ZNF521: variants seen among roughly 807,000 people sequenced by gnomAD.
The protein encoded by ZNF521 is LYST-interacting protein 3.
A neutral mutation model predicts 105.5 loss-of-function variants in ZNF521; 14 were observed. The observed-to-expected ratio is 0.13, with a 90% CI of 0.09 to 0.21. The LOEUF (loss-of-function observed/expected upper bound fraction) is 0.21. Ranked by LOEUF, ZNF521 falls within the 10% of genes least tolerant of loss-of-function variation. The pLI is 1.00. For synonymous variants in ZNF521, 635 were observed against 606.0 expected (o/e 1.05, Z -0.70); for missense variants, 1,233 against 1,629.7 (o/e 0.76, Z 4.19).
Position 25,273,220 on chromosome 18 carries a change from C to CAAAAAAAAAAAAAAAAAAAAAAAAA in ZNF521, c.221-45548_221-45524dup, listed in dbSNP as rs67381140. 3.4e-4 allele frequency among the ~76,000 whole-genome samples: 14 copies of CAAAAAAAAAAAAAAAAAAAAAAAAA among 40,888 alleles called. 1 individual carries two copies. Among genetic ancestry groups the CAAAAAAAAAAAAAAAAAAAAAAAAA allele is most frequent in the East Asian group, 1.8e-3 (1 of 560 alleles). The allele number at this position is 40,888 out of a possible 152,430, so 26.8% of individuals were successfully genotyped here. A position where few individuals can be genotyped will look rare whatever the true frequency, so the allele number is the denominator to read the frequency against. On this transcript the variant is annotated intron_variant, in intron 3 of 7. Transcript: ENST00000361524. ...CCCAAGAGGAGTGAAACCCTGTCTC[C>CAAAAAAAAAAAAAAAAAAAAAAAAA]AAAAAAAAAAAAAAAAAAAAAAAAA...
intron 5 of ZNF521, among the ~76,000 whole-genome samples, chr18:25,181,407 C>G (rs8082787): frequency 2.6e-5 from 4 of 151,964 alleles, no homozygotes; most frequent in African/African-American, 9.7e-5. Context: ...ATGTTACTTA[C>G]GGGAAATGAC....
intron 5 of ZNF521, among the ~76,000 whole-genome samples, chr18:25,188,207 G>A (rs957802677): frequency 2.0e-5 from 3 of 152,158 alleles, no homozygotes; most frequent in Non-Finnish European, 4.4e-5. Context: ...CATCCTGAGA[G>A]CTGTGAGATA....
chr18:25,206,343 G>A (rs1568009068), intron 4 of ZNF521, among the ~76,000 whole-genome samples: 5 of 152,006 alleles, frequency 3.3e-5, no homozygotes, highest in African/African-American at 9.7e-5. Context: ...TACATAATTA[G>A]TTACACATAA....
At chr18:25,333,404 G>T (rs1476271814) in intron 2 of ZNF521, among the ~76,000 whole-genome samples, 2 of 151,666 alleles carry the variant, frequency 1.3e-5, no homozygotes, top group Non-Finnish European at 2.9e-5. Context: ...AAGGGCCAGG[G>T]CTCATCTTAC....
chr18:25,263,363 T>G (rs1204448066), intron 3 of ZNF521, among the ~76,000 whole-genome samples: 1 of 152,090 alleles, frequency 6.6e-6, no homozygotes, highest in Non-Finnish European at 1.5e-5. Flanking sequence ...TTGCTTTTTT[T>G]TTTGTTTTTT....
At chr18:25,251,596 T>C (rs1339562488) in intron 3 of ZNF521, among the ~76,000 whole-genome samples, 1 of 152,184 alleles carries the variant, frequency 6.6e-6, no homozygotes, top group East Asian at 1.9e-4. Flanking sequence ...ATCATCCATA[T>C]ACAGAAATCA....
chr18:25,200,382 C>T (rs540756687), intron 4 of ZNF521, among the ~76,000 whole-genome samples: 52 of 150,010 alleles, frequency 3.5e-4, no homozygotes, highest in Non-Finnish European at 6.9e-4. Flanking sequence ...CCTTTGTCCT[C>T]AGTGTTCTGC....
intron 3 of ZNF521, among the ~76,000 whole-genome samples, chr18:25,321,596 C>T (rs1195067305): frequency 1.3e-5 from 2 of 152,130 alleles, no homozygotes; most frequent in Non-Finnish European, 2.9e-5. Context: ...AAAAATGTGG[C>T]TAACTCAGGC....
intron 3 of ZNF521, among the ~76,000 whole-genome samples, chr18:25,236,990 C>A (rs1906942996): frequency 6.6e-6 from 1 of 152,168 alleles, no homozygotes. Context: ...TGAGGACTTT[C>A]CAGTTACCCT....
At chr18:25,223,392 G>T (rs1369319027) in intron 4 of ZNF521, among the ~76,000 whole-genome samples, 2 of 152,170 alleles carry the variant, frequency 1.3e-5, no homozygotes, top group Non-Finnish European at 2.9e-5. Flanking sequence ...GGAGCCACAG[G>T]GGGGCCTCCG....
chr18:25,062,580 T>C lies in ZNF521; in HGVS notation c.*132A>G, dbSNP rs1337805613. Reference sequence around the variant, plus strand: ...AACACATGAACATCCAACAGTTTGATAATACAAGTTTTATGGTACAATACA... The same window carrying C: ...AACACATGAACATCCAACAGTTTGACAATACAAGTTTTATGGTACAATACA... On this transcript the variant is annotated 3_prime_UTR_variant, in exon 8 of 8. Transcript: ENST00000361524. 2 of 1,230,160 alleles carry C rather than the reference T, an allele frequency of 1.6e-6. No individual in the cohort carries two copies. Among genetic ancestry groups the C allele is most frequent in the Non-Finnish European group, 2.3e-6 (2 of 868,228 alleles). 76.2% of individuals were successfully genotyped at this position (1,230,160 alleles called of 1,614,324 possible).
chr18:25,236,694 C>T (rs188348572), intron 3 of ZNF521, among the ~76,000 whole-genome samples: 3 of 152,242 alleles, frequency 2.0e-5, no homozygotes, highest in Admixed American at 2.0e-4. Context: ...CACATTAACA[C>T]TTACATGGTA....
intron 7 of ZNF521, among the ~76,000 whole-genome samples, chr18:25,087,575 A>T (rs2033650701): frequency 6.6e-6 from 1 of 152,254 alleles, no homozygotes; most frequent in Non-Finnish European, 1.5e-5. Context: ...CAGTTTACAT[A>T]CTAATTAACA....
chr18:25,111,898 C>G (rs145453674), intron 5 of ZNF521, among the ~76,000 whole-genome samples: 2 of 152,182 alleles, frequency 1.3e-5, no homozygotes, highest in African/African-American at 4.8e-5. Flanking sequence ...TGGCCCTCCT[C>G]GGCGTGGCGG....
rs1283762730 is a variant in ZNF521, at chr18:25,082,644, T to C, written c.3906+6821A>G. ...TGAGCTCAGGGGTTTGAGACCAGCC[T>C]GGGCAACATGGTGAAACCCCATCTC... is the stretch of plus-strand genomic sequence containing the variant. On this transcript the variant is annotated intron_variant, in intron 7 of 7. Transcript: ENST00000361524. 2.9e-5 allele frequency: 12 copies of C among 419,012 alleles called. No individual in the cohort carries two copies. In the Admixed American group the frequency reaches 3.2e-4, roughly 11 times the overall value. The allele number at this position is 419,012 out of a possible 1,614,324, so 26.0% of individuals were successfully genotyped here.
intron 4 of ZNF521, among the ~76,000 whole-genome samples, chr18:25,212,563 A>ATATG (rs1555647938): frequency 1.6e-5 from 2 of 128,962 alleles, no homozygotes; most frequent in African/African-American, 6.2e-5. Context: ...ATATATATAT[A>ATATG]TATGTATAGA....
intron 3 of ZNF521, chr18:25,302,139 C>T (rs1002838550): frequency 2.6e-5 from 4 of 151,940 alleles, no homozygotes; most frequent in African/African-American, 4.8e-5. Flanking sequence ...AAAGCTCTTA[C>T]TTCTATAAGC....
At chr18:25,088,373 G>A (rs1302709075) in intron 7 of ZNF521, among the ~76,000 whole-genome samples, 1 of 151,704 alleles carries the variant, frequency 6.6e-6, no homozygotes, top group East Asian at 1.9e-4. Context: ...CCGCCACTGT[G>A]CCTGGCTAAT....
rs45453901 is a variant in ZNF521, at chr18:25,062,535, A to G, written c.*177T>C. On this transcript the variant is annotated 3_prime_UTR_variant, in exon 8 of 8. Transcript: ENST00000361524. ...GCAACACTTTATATACAAGGGGTCT[A>G]TCCGGTGCGCAAAAGTTCAAACACA... 23,600 of 749,760 alleles carry G rather than the reference A, an allele frequency of 0.031. 473 individuals are homozygous for G. The highest frequency in any genetic ancestry group is 0.042 in the Non-Finnish European group (19,240 of 458,040). 46.4% of individuals were successfully genotyped at this position (749,760 alleles called of 1,614,324 possible).
Sources: allele counts gnomAD v4.1 joint callset (sites outside exome capture counted in the v4.1 genomes callset), GRCh38; gene constraint gnomAD v4.1.1; transcripts MANE v1.5; gene names NCBI Gene and HGNC (gene_info 2026-07-23, HGNC 2026-07-21).